Variants in MEIKIN observed in about 807,000 individuals in gnomAD.
The protein encoded by MEIKIN is meiotic kinetochore factor, also known as meiosis-specific kinetochore protein.
At chr5:131,926,471 C>G (rs1253968448) in intron 5 of MEIKIN, among the ~76,000 whole-genome samples, 1 of 152,124 alleles carries the variant, frequency 6.6e-6, no homozygotes, top group African/African-American at 2.4e-5. Flanking sequence ...CATCTATGTT[C>G]ATCAGGGATA....
At chr5:131,861,420 A>G (rs879787846) in intron 9 of MEIKIN, among the ~76,000 whole-genome samples, 12 of 152,072 alleles carry the variant, frequency 7.9e-5, no homozygotes, top group Non-Finnish European at 1.3e-4. Context: ...TTCCCAAAGA[A>G]GAGGGTCAAT....
chr5:131,807,386 T>C (rs925998190), intron 12 of MEIKIN, 128 bp from the exon 13 acceptor site: 6 of 395,126 alleles, frequency 1.5e-5, no homozygotes, highest in African/African-American at 1.2e-4. Context: ...CATCAAGCCT[T>C]AGGAAACAAA....
chr5:131,827,283 C>T (rs1749631395), intron 11 of MEIKIN, among the ~76,000 whole-genome samples: 1 of 151,898 alleles, frequency 6.6e-6, no homozygotes, highest in African/African-American at 2.4e-5. Context: ...TCATGACCAG[C>T]CAAAATTGTT....
intron 5 of MEIKIN, among the ~76,000 whole-genome samples, chr5:131,924,967 G>C (rs1290218361): frequency 6.6e-6 from 1 of 152,104 alleles, no homozygotes; most frequent in Non-Finnish European, 1.5e-5. Context: ...TTATATTTAA[G>C]TATTTAATCC....
In MEIKIN at chr5:131,887,622, G is replaced by A. The variant is rs1404895452; in HGVS notation, c.704-8574C>T. The stretch of plus-strand genomic sequence containing the variant: ...GCATTATTTCATGTGTCTGTTGGTT[G>A]CATAAAGGTCTTCTTTTGAGAAGTG... On this transcript the variant is annotated intron_variant, in intron 8 of 12. Coordinates refer to ENST00000442687, the MANE Select transcript of MEIKIN (RefSeq NM_001303622.2). Among the ~76,000 whole-genome samples the A allele has an allele frequency of 3.9e-5, 6 of 152,002 alleles. No homozygotes were observed. The East Asian group carries it at 1.2e-3, about 29-fold the overall frequency.
At chr5:131,914,471 GAGAA>G (rs1348373837) in intron 7 of MEIKIN, among the ~76,000 whole-genome samples, 13 of 138,708 alleles carry the variant, frequency 9.4e-5, no homozygotes, top group African/African-American at 2.9e-4. Context: ...GAGAGAGAGA[GAGAA>G]AGAAAGAGAG....
intron 11 of MEIKIN, among the ~76,000 whole-genome samples, chr5:131,833,380 T>G (rs998326875): frequency 6.6e-6 from 1 of 152,218 alleles, no homozygotes; most frequent in Non-Finnish European, 1.5e-5. Context: ...ATTGTTTATA[T>G]TGCAATCAAC....
At chr5:131,854,390 GA>G (rs2149616356) in intron 10 of MEIKIN, among the ~76,000 whole-genome samples, 1 of 152,120 alleles carries the variant, frequency 6.6e-6, no homozygotes, top group South Asian at 2.1e-4. Flanking sequence ...TTTGCAAGAT[GA>G]AAAAAGTTCT....
intron 3 of MEIKIN, among the ~76,000 whole-genome samples, chr5:131,943,462 A>G (rs1461079102): frequency 6.6e-6 from 1 of 152,230 alleles, no homozygotes; most frequent in African/African-American, 2.4e-5. Context: ...TATCAATAAC[A>G]GCAAAACCTT....
chr5:131,836,947 T>A (rs1310152942), intron 11 of MEIKIN, among the ~76,000 whole-genome samples: 3 of 152,168 alleles, frequency 2.0e-5, no homozygotes, highest in African/African-American at 7.2e-5. Flanking sequence ...ACTTTTGGCA[T>A]CTTTGTCATG....
In MEIKIN at chr5:131,823,903, C is replaced by CAGTACCACCTTGGT. The variant is rs1411694664; in HGVS notation, c.976-5054_976-5041dup. Among the ~76,000 whole-genome samples the CAGTACCACCTTGGT allele has an allele frequency of 5.3e-5, 8 of 152,316 alleles. No homozygotes were observed. The South Asian group carries it at 1.7e-3, about 32-fold the overall frequency. ...AACACTGGTCTTTGCAGACTTGTAG[C>CAGTACCACCTTGGT]AGTACCACCTTGGTAGTACCACCTT... On this transcript the variant is annotated intron_variant, in intron 11 of 12. Coordinates refer to ENST00000442687, the MANE Select transcript of MEIKIN (RefSeq NM_001303622.2).
At chr5:131,833,624 G>A (rs1749751868) in intron 11 of MEIKIN, among the ~76,000 whole-genome samples, 1 of 152,182 alleles carries the variant, frequency 6.6e-6, no homozygotes, top group Non-Finnish European at 1.5e-5. Flanking sequence ...AGAAAATGAG[G>A]AAGAAGCAAA....
chr5:131,890,315 G>A (rs973715757), intron 8 of MEIKIN, among the ~76,000 whole-genome samples: 17 of 152,140 alleles, frequency 1.1e-4, no homozygotes, highest in African/African-American at 4.1e-4. Context: ...ATTCAGCTGT[G>A]AATCCATCTG....
intron 9 of MEIKIN, among the ~76,000 whole-genome samples, chr5:131,874,756 G>C (rs1437231248): frequency 2.0e-5 from 3 of 152,188 alleles, no homozygotes; most frequent in African/African-American, 7.2e-5. Flanking sequence ...ATAAAATACT[G>C]GCAAACTGAA....
Position 131,942,693 on chromosome 5 carries a change from T to C in MEIKIN, c.291A>G (p.Glu97=), listed in dbSNP as rs1029527225. Reference sequence around the variant, plus strand: ...CAACCTGGAGGTCATCAGTAACTGATTCCTAAGTGAAATAAGAATTAAAGC... The same window carrying C: ...CAACCTGGAGGTCATCAGTAACTGACTCCTAAGTGAAATAAGAATTAAAGC... ...TQDEKIASLR[E]SVTDDLQVDS... is the part of the protein sequence containing the mutation. Residue 97 remains glutamate (E), a splice_region_variant and synonymous_variant, in exon 4 of 13, where the codon GAA becomes GAG. Coordinates refer to ENST00000442687, the MANE Select transcript of MEIKIN (RefSeq NM_001303622.2). 1.3e-5 allele frequency: 5 copies of C among 398,352 alleles called. No individual in the cohort carries two copies. In the Admixed American group the frequency reaches 1.3e-4, roughly 11 times the overall value. 24.7% of individuals were successfully genotyped at this position (398,352 alleles called of 1,614,324 possible).
At chr5:131,831,012 C>T (rs1412433718) in intron 11 of MEIKIN, among the ~76,000 whole-genome samples, 4 of 152,086 alleles carry the variant, frequency 2.6e-5, no homozygotes. Context: ...ATTCTCCTGC[C>T]TCAGCCTCCC....
intron 11 of MEIKIN, among the ~76,000 whole-genome samples, chr5:131,843,369 C>T (rs975886740): frequency 9.8e-5 from 15 of 152,326 alleles, no homozygotes; most frequent in African/African-American, 3.4e-4. Context: ...TCTTTTCTAC[C>T]ACCTGGTCAG....
chr5:131,813,795 T>C (rs1379363964), intron 12 of MEIKIN, among the ~76,000 whole-genome samples: 1 of 152,130 alleles, frequency 6.6e-6, no homozygotes, highest in Non-Finnish European at 1.5e-5. Context: ...GGAAAGAACA[T>C]TGTATTAGTC....
intron 9 of MEIKIN, among the ~76,000 whole-genome samples, chr5:131,867,680 C>T (rs1437430741): frequency 1.3e-5 from 2 of 152,164 alleles, no homozygotes; most frequent in Admixed American, 6.5e-5. Flanking sequence ...TAAGTTTCCT[C>T]CATGTCTTTT....
Sources: gnomAD v4.1 joint callset for allele counts (sites outside exome capture counted in the v4.1 genomes callset) on GRCh38, gnomAD v4.1.1 for gene constraint, MANE v1.5 for transcripts, NCBI Gene and HGNC (gene_info 2026-07-23, HGNC 2026-07-21) for gene names.